SRCIN1: variants seen among roughly 807,000 people sequenced by gnomAD.
SRCIN1 encodes SRC kinase signaling inhibitor 1.
SRCIN1 carries 50 observed loss-of-function variants against 116.2 expected under a neutral mutation model. The ratio of observed to expected loss-of-function variants is 0.43; its 90% CI spans 0.34 to 0.54. The LOEUF (loss-of-function observed/expected upper bound fraction) is 0.54. Among genes scored for constraint, SRCIN1 ranks in the 20% least tolerant of loss-of-function variants. The pLI is 0.02. For synonymous variants in SRCIN1, 736 were observed against 750.0 expected, an observed-to-expected ratio of 0.98 and a Z score of 0.30; for missense variants, 1,446 against 1,672.0, an observed-to-expected ratio of 0.86 and a Z score of 2.36.
At chr17:38,547,795 C>G (rs1217208151) in intron 17 of SRCIN1, 2 of 264,346 alleles carry the variant, frequency 7.6e-6, no homozygotes, top group South Asian at 5.8e-5. Flanking sequence ...CCCCGGGGGG[C>G]CCCAGGTCCT....
In SRCIN1 at chr17:38,543,893, G is replaced by A. The variant is rs372902014; in HGVS notation, c.3347C>T (p.Ala1116Val). 27 of 1,606,502 alleles carry A rather than the reference G, an allele frequency of 1.7e-5. No homozygotes were observed. Among genetic ancestry groups the A allele is most frequent in the African/African-American group, 6.7e-5 (5 of 74,902 alleles). ...ASRLKAAQGQ[A>V]GSPDKSKHGK... The stretch of plus-strand genomic sequence containing the variant: ...ATGTTTGCTTTTGTCGGGGCTGCCC[G>A]CCTGGCCCTGGGCCGCCTTCAGCCG... Residue 1116 changes from alanine (A) to valine (V), a missense_variant, in exon 18 of 19, where the codon GCG (alanine) becomes GTG (valine). Ala to Val is a moderately conservative substitution (Grantham distance 64). Transcript: ENST00000617146.
chr17:38,547,768 A>G (rs2143059885), intron 17 of SRCIN1: 1 of 302,544 alleles, frequency 3.3e-6, no homozygotes, highest in South Asian at 2.4e-5. Flanking sequence ...CCTTCCGTGT[A>G]GGGCCTGGGG....
chr17:38,579,606 GT>G (rs1312406519), intron 1 of SRCIN1, among the ~76,000 whole-genome samples: 1 of 152,160 alleles, frequency 6.6e-6, no homozygotes, highest in Non-Finnish European at 1.5e-5. Context: ...CCCTTCTTCA[GT>G]CTCTCCTCCC....
intron 1 of SRCIN1, among the ~76,000 whole-genome samples, chr17:38,583,288 T>C (rs1207687105): frequency 6.6e-6 from 1 of 152,168 alleles, no homozygotes; most frequent in African/African-American, 2.4e-5. Context: ...TGGCCCAGGC[T>C]GGTCTCCACC....
chr17:38,592,886 G>A (rs1908514900), intron 1 of SRCIN1, among the ~76,000 whole-genome samples: 1 of 152,090 alleles, frequency 6.6e-6, no homozygotes, highest in Non-Finnish European at 1.5e-5. Flanking sequence ...ATACCTCTAA[G>A]GAGCACAGGA....
chr17:38,577,568 G>C (rs1311812076), intron 2 of SRCIN1, among the ~76,000 whole-genome samples: 1 of 152,174 alleles, frequency 6.6e-6, no homozygotes, highest in Non-Finnish European at 1.5e-5. Flanking sequence ...CCCCAGGCTT[G>C]ACTGAAAGGC....
rs767178301 is a variant in SRCIN1 at position 38,552,883 on chromosome 17, C to T, written c.2202-28G>A. 6.9e-6 allele frequency: 11 copies of T among 1,598,924 alleles called. No individual in the cohort carries two copies. The highest frequency in any genetic ancestry group is 6.7e-5 in the East Asian group (3 of 44,624). ...GCAGCCACAGAGAGACCCTTTCAGC[C>T]CTTTTGGCCTGAGATGCCAGCCCAG... On this transcript the variant is annotated intron_variant, in intron 11 of 18. Coordinates refer to ENST00000617146, the MANE Select transcript of SRCIN1 (RefSeq NM_025248.3). The surrounding 1 kb of genome is among the most constrained non-coding windows in gnomAD (Gnocchi z 5.3).
At chr17:38,542,989 A>G in intron 18 of SRCIN1, 1 of 439,958 alleles carries the variant, frequency 2.3e-6, no homozygotes, top group Non-Finnish European at 4.6e-6. Flanking sequence ...ATAAATATTA[A>G]CTAAATCAAA....
In SRCIN1 at chr17:38,530,138, GAGAC is replaced by G. The variant is rs1386814078; in HGVS notation, c.*3155_*3158del. On this transcript the variant is annotated 3_prime_UTR_variant, in exon 19 of 19. Coordinates refer to ENST00000617146, the MANE Select transcript of SRCIN1 (RefSeq NM_025248.3). Reference sequence around the variant, plus strand: ...GAAGAAAAAAGGACATTAAAAAAGAGAGACAGAGAAAACACAGCAACCCTTTTCC... The same window carrying G: ...GAAGAAAAAAGGACATTAAAAAAGAGAGAGAAAACACAGCAACCCTTTTCC... The G allele has an allele frequency of 2.0e-5, 3 of 152,332 alleles. No homozygotes were observed. Among genetic ancestry groups the G allele is most frequent in the Non-Finnish European group, 4.4e-5 (3 of 68,114 alleles). 9.4% of individuals were successfully genotyped at this position (152,332 alleles called of 1,614,324 possible). A position where few individuals can be genotyped will look rare whatever the true frequency, so the allele number is the denominator to read the frequency against.
At chr17:38,598,615 C>T (rs1328984554) in intron 1 of SRCIN1, among the ~76,000 whole-genome samples, 4 of 152,256 alleles carry the variant, frequency 2.6e-5, no homozygotes, top group Admixed American at 6.5e-5. Flanking sequence ...CCCTGGAATG[C>T]GTGTGTTTGC....
chr17:38,550,753 G>A (rs762246653), intron 15 of SRCIN1, among the ~76,000 whole-genome samples: 1 of 152,214 alleles, frequency 6.6e-6, no homozygotes, highest in Non-Finnish European at 1.5e-5. Context: ...CTTCTGGTCT[G>A]GATTTCTGCC....
chr17:38,594,370 C>T (rs747645065), intron 1 of SRCIN1, among the ~76,000 whole-genome samples: 2 of 152,216 alleles, frequency 1.3e-5, no homozygotes, highest in African/African-American at 2.4e-5. Flanking sequence ...ATTAAAAAGC[C>T]ATCAAGGCGG....
chr17:38,579,064 CCGCGG>C (rs915456681), intron 1 of SRCIN1, among the ~76,000 whole-genome samples: 4 of 152,218 alleles, frequency 2.6e-5, no homozygotes, highest in Non-Finnish European at 5.9e-5. Context: ...GCGATAATGA[CCGCGG>C]GGGTGCAGCC....
intron 11 of SRCIN1, among the ~76,000 whole-genome samples, chr17:38,554,334 C>T (rs1905648782): frequency 6.6e-6 from 1 of 152,200 alleles, no homozygotes; most frequent in Non-Finnish European, 1.5e-5. Context: ...TTCCGTGCTG[C>T]TGTAACCCTC....
intron 2 of SRCIN1, chr17:38,574,948 T>A (rs56118590): frequency 2.5e-6 from 1 of 401,024 alleles, no homozygotes; most frequent in South Asian, 1.3e-4. Context: ...TGAGGAGGCA[T>A]ACGGGGTCCA....
chr17:38,581,040 G>C (rs1907764389), intron 1 of SRCIN1, among the ~76,000 whole-genome samples: 1 of 152,028 alleles, frequency 6.6e-6, no homozygotes, highest in Admixed American at 6.5e-5. Flanking sequence ...TTGCTATGTT[G>C]CCCAGGCTGG....
Position 38,558,991 on chromosome 17 carries a change from T to C in SRCIN1, c.2026-589A>G. 1 of 162,752 alleles carries C rather than the reference T, an allele frequency of 6.1e-6. No homozygotes were observed. Among genetic ancestry groups the C allele is most frequent in the Non-Finnish European group, 1.3e-5 (1 of 74,834 alleles). 10.1% of individuals were successfully genotyped at this position (162,752 alleles called of 1,614,324 possible). On this transcript the variant is annotated intron_variant, in intron 10 of 18. Coordinates refer to ENST00000617146, the MANE Select transcript of SRCIN1 (RefSeq NM_025248.3). This position sits in a 1 kb window ranked among gnomAD's most constrained non-coding sequence, Gnocchi z 4.6. ...CTGTTCCAAGCCTGAATGGCGGGGGTGGGCAAGATCTTACCCGTTGCCCAG... is the reference window on the plus strand; with the variant it reads ...CTGTTCCAAGCCTGAATGGCGGGGGCGGGCAAGATCTTACCCGTTGCCCAG...
At position 38,562,343 on chromosome 17, in the gene SRCIN1, GC is replaced by G. The variant is rs149810105; in HGVS notation, c.835-16del. 3.6e-3 allele frequency: 5,162 copies of G among 1,437,954 alleles called. 180 individuals are homozygous for G. In the African/African-American group the frequency reaches 0.065, roughly 18 times the overall value. The allele number at this position is 1,437,954 out of a possible 1,614,324, so 89.1% of individuals were successfully genotyped here. On this transcript the variant is annotated splice_polypyrimidine_tract_variant and intron_variant, in intron 6 of 18. Transcript: ENST00000617146. The surrounding 1 kb of genome is among the most constrained non-coding windows in gnomAD (Gnocchi z 4.2). ...ACCATCTCTCTCTGCGCAGAAGACA[GC>G]CCGGAACCCCACGGGGCTGGTCACC...
chr17:38,571,491 C>T (rs994148808), intron 2 of SRCIN1, among the ~76,000 whole-genome samples: 1 of 152,164 alleles, frequency 6.6e-6, no homozygotes, highest in African/African-American at 2.4e-5. Flanking sequence ...CCAGAAACCC[C>T]CCAGTTAGGA....
Sources: allele counts gnomAD v4.1 joint callset (sites outside exome capture counted in the v4.1 genomes callset), GRCh38; gene constraint gnomAD v4.1.1; non-coding constraint Gnocchi (gnomAD v3.1); transcripts MANE v1.5; gene names NCBI Gene and HGNC (gene_info 2026-07-23, HGNC 2026-07-21).